Variants in FBXO39 observed in about 807,000 individuals in gnomAD.
FBXO39 encodes F-box protein 39.
A neutral mutation model predicts 36.6 loss-of-function variants in FBXO39; 22 were observed. The ratio of observed to expected loss-of-function variants is 0.60; its 90% CI spans 0.43 to 0.86. FBXO39 has a LOEUF of 0.86. Ranked by LOEUF, FBXO39 falls within the 40% of genes least tolerant of loss-of-function variation. The probability of loss-of-function intolerance (pLI) is 0.00; values close to 1 mark genes in which losing one functional copy is unlikely to be tolerated. For missense variants in FBXO39, 536 were observed against 543.9 expected (o/e 0.99, Z 0.14); for synonymous variants, 206 against 205.8 (o/e 1.00, Z -0.01).
chr17:6,780,458 A>G lies in FBXO39; in HGVS notation c.590A>G (p.Glu197Gly). The G allele has an allele frequency of 1.2e-6, 2 of 1,614,160 alleles. No homozygotes were observed. The highest frequency in any genetic ancestry group is 1.7e-6 in the Non-Finnish European group (2 of 1,180,034). Reference protein sequence around the residue: ...SYMRNENVISELNIEDYFSHH... With the variant: ...SYMRNENVISGLNIEDYFSHH... ...ATGAGGAATGAGAATGTGATCTCAG[A>G]GCTCAACATCGAGGACTATTTCAGC... The change falls in exon 2 of 4, where the codon GAG becomes GGG. Residue 197 changes from glutamate to glycine, a missense_variant. By Grantham distance (98) the Glu-to-Gly change is moderately conservative (BLOSUM62 -2). Coordinates refer to ENST00000321535, the MANE Select transcript of FBXO39 (RefSeq NM_153230.3).
At chr17:6,783,840 G>A (rs1976536055) in intron 2 of FBXO39, among the ~76,000 whole-genome samples, 1 of 152,124 alleles carries the variant, frequency 6.6e-6, no homozygotes, top group East Asian at 1.9e-4. Flanking sequence ...ATTTACAGAA[G>A]AACTAATACC....
chr17:6,780,505 AG>A lies in FBXO39; in HGVS notation c.638del (p.Ser213ThrfsTer17), dbSNP rs1327489740. 6.2e-7 allele frequency: 1 copy of A among 1,614,166 alleles called. No individual in the cohort carries two copies. The highest frequency in any genetic ancestry group is 8.5e-7 in the Non-Finnish European group (1 of 1,180,036). Reference protein sequence around the residue: ...YFSHHLAVYNSPQFKKTMSTF... With the variant: ...YFSHHLAVYNXPQFKKTMSTF... ...CAGCCATCACCTTGCTGTCTACAAC[AG>A]CCCCCAGTTCAAAAAGACCATGTCC... On this transcript the variant is annotated frameshift_variant, in exon 2 of 4. Coordinates refer to ENST00000321535, the MANE Select transcript of FBXO39 (RefSeq NM_153230.3). LOFTEE classifies it high-confidence loss of function.
intron 1 of FBXO39, among the ~76,000 whole-genome samples, chr17:6,777,711 T>A (rs182560903): frequency 4.7e-4 from 71 of 152,006 alleles, no homozygotes; most frequent in African/African-American, 1.7e-3. Flanking sequence ...CAGAAGGAGG[T>A]TGTCAAGGGG....
chr17:6,784,532 C>CAAAAACAAAAACAAAAACA (rs756567464), intron 2 of FBXO39, among the ~76,000 whole-genome samples: 1 of 146,878 alleles, frequency 6.8e-6, no homozygotes, highest in Admixed American at 6.7e-5. Flanking sequence ...AAAACAAAAA[C>CAAAAACAAAAACAAAAACA]AAAAAAAACT....
chr17:6,782,952 C>T (rs1027827843), intron 2 of FBXO39, among the ~76,000 whole-genome samples: 2 of 152,066 alleles, frequency 1.3e-5, no homozygotes, highest in African/African-American at 4.8e-5. Context: ...AAATTTCATC[C>T]AATGGCTGAA....
Position 6,779,796 on chromosome 17 carries a change from G to A in FBXO39, c.-73G>A. ...CCTTTTTATTCCCCACAGAAAGCAA[G>A]TGATTGCTTTCCTTTCCTCATTTTT... On this transcript the variant is annotated 5_prime_UTR_variant, in exon 2 of 4. It adds an upstream start codon to the 5' untranslated region. Transcript: ENST00000321535. 1 of 1,435,848 alleles carries A rather than the reference G, an allele frequency of 7.0e-7. No individual in the cohort carries two copies. The highest frequency in any genetic ancestry group is 1.3e-5 in the South Asian group (1 of 77,498). The allele number at this position is 1,435,848 out of a possible 1,614,324, so 88.9% of individuals were successfully genotyped here.
rs10401001 is a variant in FBXO39 at position 6,780,552 on chromosome 17, C to A, written c.684C>A (p.Ser228=). 21,342 of 1,613,870 alleles carry A rather than the reference C, an allele frequency of 0.013. 1,892 individuals are homozygous for A. In the African/African-American group the frequency reaches 0.22, roughly 16 times the overall value. ...TGTCCACATTCCACAATCTTGTGTC[C>A]CTGAACCTCAACTACAACTGTATCT... ...KTMSTFHNLV[S]LNLNYNCISD... The change falls in exon 2 of 4, where the codon TCC becomes TCA. Residue 228 remains serine (S), a synonymous_variant. Coordinates refer to ENST00000321535, the MANE Select transcript of FBXO39 (RefSeq NM_153230.3).
At position 6,787,549 on chromosome 17, in the gene FBXO39, T is replaced by G; in HGVS notation, c.*121T>G. On this transcript the variant is annotated 3_prime_UTR_variant, in exon 4 of 4. Coordinates refer to ENST00000321535, the MANE Select transcript of FBXO39 (RefSeq NM_153230.3). ...TCTCTCTCCCCTCCACTTTTTTTTT[T>G]TGTCAGCTCCATGACAACATGACCA... 4.2e-6 allele frequency: 5 copies of G among 1,178,452 alleles called. No individual in the cohort carries two copies. Among genetic ancestry groups the G allele is most frequent in the Non-Finnish European group, 6.0e-6 (5 of 839,966 alleles). The allele number at this position is 1,178,452 out of a possible 1,614,324, so 73.0% of individuals were successfully genotyped here. A position where few individuals can be genotyped will look rare whatever the true frequency, so the allele number is the denominator to read the frequency against.
chr17:6,780,494 CT>C lies in FBXO39; in HGVS notation c.627del (p.Val210SerfsTer20), dbSNP rs762621890. On this transcript the variant is annotated frameshift_variant, in exon 2 of 4. Transcript: ENST00000321535. LOFTEE classifies it high-confidence loss of function. The stretch of plus-strand genomic sequence containing the variant: ...GAGGACTATTTCAGCCATCACCTTG[CT>C]GTCTACAACAGCCCCCAGTTCAAAA... ...NIEDYFSHHL[A>X]VYNSPQFKKT... The C allele has an allele frequency of 6.2e-7, 1 of 1,614,174 alleles. No individual in the cohort carries two copies. The highest frequency in any genetic ancestry group is 8.5e-7 in the Non-Finnish European group (1 of 1,180,038).
intron 1 of FBXO39, among the ~76,000 whole-genome samples, chr17:6,778,976 T>C (rs1976468360): frequency 6.6e-6 from 1 of 152,090 alleles, no homozygotes; most frequent in African/African-American, 2.4e-5. Flanking sequence ...TTTCCACACC[T>C]CAAAACTCAC....
intron 1 of FBXO39, 119 bp downstream of exon 1, chr17:6,776,391 G>A (rs2151571238): frequency 6.6e-6 from 1 of 152,472 alleles, no homozygotes; most frequent in African/African-American, 2.4e-5. Flanking sequence ...GCGGGGAGGC[G>A]GGCTGCTCTC....
At position 6,780,225 on chromosome 17, in the gene FBXO39, G is replaced by C; in HGVS notation, c.357G>C (p.Leu119=). The C allele has an allele frequency of 6.2e-7, 1 of 1,614,164 alleles. No individual in the cohort carries two copies. The highest frequency in any genetic ancestry group is 8.5e-7 in the Non-Finnish European group (1 of 1,180,036). The change falls in exon 2 of 4, where the codon CTG becomes CTC. Residue 119 remains leucine (L), a synonymous_variant. Coordinates refer to ENST00000321535, the MANE Select transcript of FBXO39 (RefSeq NM_153230.3). The part of the protein sequence containing the change: ...QVTMRGLLSC[L]SKSNNRLKSL... ...CCATGCGGGGCCTCCTGTCTTGTCT[G>C]AGTAAGAGCAACAACCGTCTGAAAT...
chr17:6,786,440 C>T (rs7208659), intron 2 of FBXO39, among the ~76,000 whole-genome samples: 40,863 of 151,796 alleles, frequency 0.27, 5,961 homozygotes, highest in East Asian at 0.56. Context: ...TTTGATAGCA[C>T]GACAGGGTGT....
At chr17:6,786,556 T>C (rs142170330) in intron 2 of FBXO39, among the ~76,000 whole-genome samples, 1,795 of 152,290 alleles carry the variant, frequency 0.012, 17 homozygotes, top group Non-Finnish European at 0.019. Flanking sequence ...GATACTCTAT[T>C]TACCCCATTG....
chr17:6,784,929 A>ATATATATATATATATGTGTG (rs1491434533), intron 2 of FBXO39, among the ~76,000 whole-genome samples: 3 of 136,206 alleles, frequency 2.2e-5, no homozygotes, highest in African/African-American at 9.3e-5. Context: ...ATATATATAT[A>ATATATATATATATATGTGTG]TGTGTGTGTG....
At position 6,787,372 on chromosome 17, in the gene FBXO39, A is replaced by G; in HGVS notation, c.1273A>G (p.Arg425Gly). The G allele has an allele frequency of 6.2e-7, 1 of 1,614,166 alleles. No homozygotes were observed. Among genetic ancestry groups the G allele is most frequent in the Non-Finnish European group, 8.5e-7 (1 of 1,180,010 alleles). ...CCTGCAGGAAATTTACAGGAAGTAC[A>G]GAAAGCTGATCGAATCAGAGCTTAG... ...KTLQEIYRKY[R>G]KLIESELSYF... The change falls in exon 4 of 4, where the codon AGA becomes GGA. Residue 425 changes from arginine to glycine, a missense_variant. Coordinates refer to ENST00000321535, the MANE Select transcript of FBXO39 (RefSeq NM_153230.3).
intron 1 of FBXO39, among the ~76,000 whole-genome samples, chr17:6,777,019 C>T (rs1440475395): frequency 2.0e-5 from 3 of 152,160 alleles, no homozygotes; most frequent in East Asian, 3.8e-4. Context: ...CCCACCCTTA[C>T]AGCACCAGTG....
intron 2 of FBXO39, among the ~76,000 whole-genome samples, chr17:6,784,257 C>T (rs1157591028): frequency 2.6e-5 from 4 of 152,036 alleles, no homozygotes; most frequent in Admixed American, 1.3e-4. Context: ...ATAGAAGGAG[C>T]ATACCTCAAT....
At chr17:6,786,030 A>ATATT in intron 2 of FBXO39, among the ~76,000 whole-genome samples, 1 of 152,346 alleles carries the variant, frequency 6.6e-6, no homozygotes, top group East Asian at 1.9e-4. Context: ...GAAAGTCAAT[A>ATATT]TATCAAAGAG....
Sources: gnomAD v4.1 joint callset for allele counts (sites outside exome capture counted in the v4.1 genomes callset) on GRCh38, gnomAD v4.1.1 for gene constraint, MANE v1.5 for transcripts, NCBI Gene and HGNC (gene_info 2026-07-23, HGNC 2026-07-21) for gene names.